MIPOL1: variants seen among roughly 807,000 people sequenced by gnomAD.
MIPOL1 encodes mirror-image polydactyly gene 1 protein.
Under a neutral mutation model 60.9 loss-of-function variants are expected in MIPOL1, and 57 were observed. The ratio of observed to expected loss-of-function variants is 0.94; its 90% CI spans 0.76 to 1.17. MIPOL1 has a LOEUF of 1.17. Ranked by LOEUF, MIPOL1 falls within the 50% of genes most tolerant of loss-of-function variation. The pLI is 0.00. For missense variants in MIPOL1, 551 were observed against 511.6 expected, an observed-to-expected ratio of 1.08 and a Z score of -0.74; for synonymous variants, 179 against 168.8, an observed-to-expected ratio of 1.06 and a Z score of -0.47.
At chr14:37,533,976 T>C (rs377326998) in intron 12 of MIPOL1, among the ~76,000 whole-genome samples, 209 of 150,872 alleles carry the variant, frequency 1.4e-3, no homozygotes, top group African/African-American at 4.6e-3. Context: ...TAATCTCAGC[T>C]ACTTGGGAGG....
chr14:37,337,393 G>C (rs1327296909), intron 9 of MIPOL1, among the ~76,000 whole-genome samples: 1 of 90,604 alleles, frequency 1.1e-5, no homozygotes, highest in Admixed American at 1.7e-4. Context: ...TTTTGAGACA[G>C]AGTCTCGCAA....
At chr14:37,407,842 CTTCTTTTTTTTTTTT>C (rs894508173) in intron 10 of MIPOL1, among the ~76,000 whole-genome samples, 3 of 58,056 alleles carry the variant, frequency 5.2e-5, no homozygotes, top group African/African-American at 6.5e-5. Context: ...TCTTCTTCTT[CTTCTTTTTTTTTTTT>C]TTTTTTTTTG....
chr14:37,528,305 AT>A (rs1169290575), intron 12 of MIPOL1, among the ~76,000 whole-genome samples: 27 of 152,006 alleles, frequency 1.8e-4, no homozygotes, highest in Non-Finnish European at 4.0e-4. Context: ...AGAATAAACA[AT>A]TTAAATGGCT....
intron 11 of MIPOL1, among the ~76,000 whole-genome samples, chr14:37,425,469 C>CT (rs1397810812): frequency 6.6e-6 from 1 of 152,112 alleles, no homozygotes; most frequent in Non-Finnish European, 1.5e-5. Context: ...TTCACAACTA[C>CT]TTTTCTCACT....
rs372180967 is a variant in MIPOL1 at position 37,285,445 on chromosome 14, A to G, written c.621A>G (p.Lys207=). Reference sequence around the variant, plus strand: ...CCAAGCATATGGAAATGTCTCTAAAAGTGTATGTACACATTTAAAACTCAG... The same window carrying G: ...CCAAGCATATGGAAATGTCTCTAAAGGTGTATGTACACATTTAAAACTCAG... ...ARAKHMEMSL[K]VLENINPEEN... is the part of the protein sequence containing the mutation. Residue 207 remains lysine (K), a splice_region_variant and synonymous_variant, in exon 7 of 13, where the codon AAA becomes AAG. Transcript: ENST00000684589. 4.3e-6 allele frequency: 7 copies of G among 1,613,740 alleles called. No homozygotes were observed. Among genetic ancestry groups the G allele is most frequent in the African/African-American group, 1.3e-5 (1 of 74,928 alleles).
At chr14:37,360,294 G>A (rs192854079) in intron 9 of MIPOL1, among the ~76,000 whole-genome samples, 1 of 152,022 alleles carries the variant, frequency 6.6e-6, no homozygotes, top group East Asian at 1.9e-4. Context: ...TTTTTGTTGT[G>A]TCTCTGCCAC....
chr14:37,292,347 T>C (rs2085162285), intron 7 of MIPOL1, among the ~76,000 whole-genome samples: 1 of 152,146 alleles, frequency 6.6e-6, no homozygotes, highest in Non-Finnish European at 1.5e-5. Context: ...TGTGTTGTAT[T>C]TGTGGTGTAT....
At chr14:37,527,521 G>A (rs185902805) in intron 12 of MIPOL1, among the ~76,000 whole-genome samples, 2 of 151,962 alleles carry the variant, frequency 1.3e-5, no homozygotes, top group African/African-American at 4.8e-5. Flanking sequence ...TAGTTCTTCA[G>A]TCATAAATCA....
At chr14:37,230,298 A>T (rs1223432790) in intron 1 of MIPOL1, among the ~76,000 whole-genome samples, 1 of 152,216 alleles carries the variant, frequency 6.6e-6, no homozygotes, top group Non-Finnish European at 1.5e-5. Context: ...AAGAAATAAA[A>T]AAAGTTTTGC....
At chr14:37,469,391 A>T (rs2094646628) in intron 11 of MIPOL1, among the ~76,000 whole-genome samples, 1 of 152,094 alleles carries the variant, frequency 6.6e-6, no homozygotes, top group South Asian at 2.1e-4. Flanking sequence ...CTATCACAAG[A>T]ACAGCACCAA....
intron 1 of MIPOL1, among the ~76,000 whole-genome samples, chr14:37,244,359 G>C (rs146826373): frequency 0.049 from 7,430 of 151,764 alleles, 625 homozygotes; most frequent in African/African-American, 0.17. Context: ...CTGACCTTGT[G>C]ATCCGCCAGC....
intron 11 of MIPOL1, among the ~76,000 whole-genome samples, chr14:37,444,522 G>T (rs1180993824): frequency 6.6e-6 from 1 of 152,100 alleles, no homozygotes; most frequent in Admixed American, 6.6e-5. Flanking sequence ...TATTGACAAG[G>T]TAATTCTAAA....
At chr14:37,309,762 C>T (rs2087137261) in intron 9 of MIPOL1, among the ~76,000 whole-genome samples, 1 of 151,460 alleles carries the variant, frequency 6.6e-6, no homozygotes, top group Admixed American at 6.6e-5. Context: ...TCTTGGCTCA[C>T]TGCAGTCTGT....
At chr14:37,401,649 A>G (rs568867650) in intron 10 of MIPOL1, 1 of 152,246 alleles carries the variant, frequency 6.6e-6, no homozygotes, top group Non-Finnish European at 1.5e-5. Context: ...AGACTTTTTT[A>G]AAACAATTAA....
At chr14:37,431,623 G>C in intron 11 of MIPOL1, among the ~76,000 whole-genome samples, 1 of 107,370 alleles carries the variant, frequency 9.3e-6, no homozygotes, top group East Asian at 3.2e-4. Context: ...CTGTCGCCCA[G>C]GCTGGAGTGC....
At chr14:37,299,488 T>C (rs888412103) in intron 7 of MIPOL1, among the ~76,000 whole-genome samples, 10 of 152,166 alleles carry the variant, frequency 6.6e-5, no homozygotes, top group African/African-American at 1.4e-4. Context: ...CATCCTACTT[T>C]CTTTACCATT....
intron 9 of MIPOL1, among the ~76,000 whole-genome samples, chr14:37,334,829 G>A (rs2089989201): frequency 6.6e-6 from 1 of 151,908 alleles, no homozygotes; most frequent in African/African-American, 2.4e-5. Context: ...CCATCTGGCA[G>A]TATGTATTAG....
chr14:37,293,520 C>A (rs564012248), intron 7 of MIPOL1, among the ~76,000 whole-genome samples: 24 of 152,254 alleles, frequency 1.6e-4, no homozygotes, highest in African/African-American at 5.8e-4. Flanking sequence ...CATCGTGTCA[C>A]CCGGGAAGCG....
chr14:37,518,159 T>C (rs894649518), intron 12 of MIPOL1, among the ~76,000 whole-genome samples: 10 of 152,178 alleles, frequency 6.6e-5, no homozygotes, highest in Admixed American at 5.9e-4. Flanking sequence ...TTACTAACTA[T>C]GTTAACAGTT....
Sources: allele counts gnomAD v4.1 joint callset (sites outside exome capture counted in the v4.1 genomes callset), GRCh38; gene constraint gnomAD v4.1.1; transcripts MANE v1.5; gene names NCBI Gene and HGNC (gene_info 2026-07-23, HGNC 2026-07-21).